TRHDE: variants seen among roughly 807,000 people sequenced by gnomAD.
TRHDE encodes thyrotropin releasing hormone degrading enzyme, also known as thyrotropin-releasing hormone-degrading ectoenzyme.
Under a neutral mutation model 125.7 loss-of-function variants are expected in TRHDE, and 72 were observed. The observed-to-expected ratio is 0.57, with a 90% CI of 0.47 to 0.70. The LOEUF (loss-of-function observed/expected upper bound fraction) is 0.70, where lower values mean the gene tolerates loss of function less well. Among genes scored for constraint, TRHDE ranks in the 30% least tolerant of loss-of-function variants. The probability of loss-of-function intolerance (pLI) is 0.00; values close to 1 mark genes in which losing one functional copy is unlikely to be tolerated. For synonymous variants in TRHDE, 509 were observed against 509.1 expected (o/e 1.00, Z 0.00); for missense variants, 1,110 against 1,327.1 (o/e 0.84, Z 2.54).
intron 6 of TRHDE, among the ~76,000 whole-genome samples, chr12:72,503,114 AAT>A (rs1402436233): frequency 9.9e-5 from 15 of 152,152 alleles, no homozygotes; most frequent in Non-Finnish European, 5.9e-5. Flanking sequence ...TATGACAGGT[AAT>A]ATAGATGATT....
intron 12 of TRHDE, among the ~76,000 whole-genome samples, chr12:72,595,404 G>A (rs903255595): frequency 9.2e-5 from 14 of 151,854 alleles, no homozygotes; most frequent in South Asian, 6.2e-4. Context: ...TTGTAAATAC[G>A]TTTAAAACTA....
At chr12:72,532,041 G>A (rs1292446109) in intron 6 of TRHDE, among the ~76,000 whole-genome samples, 1 of 151,942 alleles carries the variant, frequency 6.6e-6, no homozygotes, top group Non-Finnish European at 1.5e-5. Flanking sequence ...TGACATTTTT[G>A]CAGTAACTTT....
chr12:72,588,552 G>A (rs907547569), intron 12 of TRHDE, among the ~76,000 whole-genome samples: 1 of 152,146 alleles, frequency 6.6e-6, no homozygotes, highest in Non-Finnish European at 1.5e-5. Context: ...AAAAGGTAAA[G>A]CATATGGGAG....
At chr12:72,102,641 T>C (rs1875095492) in intron 1 of TRHDE, among the ~76,000 whole-genome samples, 1 of 152,120 alleles carries the variant, frequency 6.6e-6, no homozygotes, top group African/African-American at 2.4e-5. Context: ...GGCAAAAGCT[T>C]TGGGAGTTTA....
intron 2 of TRHDE, among the ~76,000 whole-genome samples, chr12:72,358,127 T>C (rs543734348): frequency 2.0e-5 from 3 of 151,764 alleles, no homozygotes; most frequent in African/African-American, 7.2e-5. Context: ...AGGTTTTCTT[T>C]ACAACATGAA....
intron 2 of TRHDE, among the ~76,000 whole-genome samples, chr12:72,231,206 A>G (rs970734145): frequency 1.4e-4 from 22 of 152,144 alleles, no homozygotes; most frequent in Non-Finnish European, 4.4e-5. Flanking sequence ...AAAAATCAGC[A>G]CACACAAAAG....
intron 2 of TRHDE, among the ~76,000 whole-genome samples, chr12:72,204,691 A>G (rs571044685): frequency 1.3e-5 from 2 of 152,342 alleles, no homozygotes; most frequent in South Asian, 2.1e-4. Flanking sequence ...AGAAAGGAAT[A>G]AGATTGGGTC....
At chr12:72,553,437 C>T (rs1354360974) in intron 7 of TRHDE, among the ~76,000 whole-genome samples, 3 of 152,056 alleles carry the variant, frequency 2.0e-5, no homozygotes, top group Non-Finnish European at 4.4e-5. Flanking sequence ...AGACAAATAA[C>T]CCACCATTAA....
At chr12:72,430,482 T>C (rs913197277) in intron 3 of TRHDE, among the ~76,000 whole-genome samples, 5 of 149,784 alleles carry the variant, frequency 3.3e-5, no homozygotes, top group Admixed American at 6.7e-5. Flanking sequence ...CATATATATA[T>C]ACACACACAC....
intron 12 of TRHDE, among the ~76,000 whole-genome samples, chr12:72,586,882 C>G (rs547258631): frequency 2.6e-5 from 4 of 151,842 alleles, no homozygotes; most frequent in African/African-American, 9.7e-5. Context: ...GGCTAATAGG[C>G]CCTGAAGAGA....
intron 6 of TRHDE, among the ~76,000 whole-genome samples, chr12:72,532,564 CT>C (rs1356922725): frequency 6.6e-6 from 1 of 151,022 alleles, no homozygotes; most frequent in Non-Finnish European, 1.5e-5. Context: ...TGGTCCCCTT[CT>C]TTTCCTAGTT....
intron 2 of TRHDE, among the ~76,000 whole-genome samples, chr12:72,314,567 A>C (rs1202496845): frequency 1.3e-5 from 2 of 152,192 alleles, no homozygotes; most frequent in Non-Finnish European, 2.9e-5. Flanking sequence ...GTTTCAAACC[A>C]GTGTCACTGA....
chr12:72,502,390 C>T (rs2135938962), intron 6 of TRHDE, among the ~76,000 whole-genome samples: 1 of 152,012 alleles, frequency 6.6e-6, no homozygotes, highest in South Asian at 2.1e-4. Context: ...GCTAATTATC[C>T]ATTTCATTTG....
intron 1 of TRHDE, among the ~76,000 whole-genome samples, chr12:72,094,727 G>T (rs1350012897): frequency 6.6e-6 from 1 of 152,246 alleles, no homozygotes; most frequent in Non-Finnish European, 1.5e-5. Flanking sequence ...GCCAGATCAA[G>T]GCCAAATAAG....
At chr12:72,234,107 A>G (rs150135693) in intron 2 of TRHDE, among the ~76,000 whole-genome samples, 16 of 152,212 alleles carry the variant, frequency 1.1e-4, no homozygotes, top group African/African-American at 3.9e-4. Flanking sequence ...ATTTTATTGT[A>G]AAGCTTGCTG....
In TRHDE at chr12:72,636,018, A is replaced by T. The variant is rs1342665222; in HGVS notation, c.2675+14267A>T. 2.7e-5 allele frequency among the ~76,000 whole-genome samples: 4 copies of T among 150,480 alleles called. No homozygotes were observed. The South Asian group carries it at 8.3e-4, about 31-fold the overall frequency. On this transcript the variant is annotated intron_variant, in intron 15 of 18. Transcript: ENST00000261180. ...TTTGGTTCCATATGAACTTTAAAGTAGTTTTTTCCAATTCTGTGAAGAAAG... is the reference window on the plus strand; with the variant it reads ...TTTGGTTCCATATGAACTTTAAAGTTGTTTTTTCCAATTCTGTGAAGAAAG...
intron 3 of TRHDE, among the ~76,000 whole-genome samples, chr12:72,453,022 G>A (rs1318295840): frequency 6.6e-6 from 1 of 152,132 alleles, no homozygotes; most frequent in Non-Finnish European, 1.5e-5. Flanking sequence ...CTAAGCAGTG[G>A]GGCATTGCTA....
intron 6 of TRHDE, among the ~76,000 whole-genome samples, chr12:72,508,510 A>T (rs988055597): frequency 6.6e-6 from 1 of 152,174 alleles, no homozygotes; most frequent in African/African-American, 2.4e-5. Context: ...CCTTTGTTTC[A>T]GCCAATTTCT....
chr12:72,162,647 C>G (rs1016720565), intron 2 of TRHDE, among the ~76,000 whole-genome samples: 4 of 152,132 alleles, frequency 2.6e-5, no homozygotes, highest in African/African-American at 9.7e-5. Flanking sequence ...TCTGCTTAAA[C>G]TAGTTAAAGT....
Sources: gnomAD v4.1 joint callset for allele counts (sites outside exome capture counted in the v4.1 genomes callset) on GRCh38, gnomAD v4.1.1 for gene constraint, MANE v1.5 for transcripts, NCBI Gene and HGNC (gene_info 2026-07-23, HGNC 2026-07-21) for gene names.